ATP8A1: variants seen among roughly 807,000 people sequenced by gnomAD.
ATP8A1 encodes phospholipid-transporting ATPase IA.
ATP8A1 carries 90 observed loss-of-function variants against 177.7 expected under a neutral mutation model. The observed-to-expected ratio is 0.51, with a 90% CI of 0.43 to 0.60. ATP8A1 has a LOEUF of 0.60. Ranked by LOEUF, ATP8A1 falls within the 20% of genes least tolerant of loss-of-function variation. The pLI, the probability that ATP8A1 is intolerant of heterozygous loss-of-function variation, is 0.00. For missense variants in ATP8A1, 1,072 were observed against 1,392.8 expected, an observed-to-expected ratio of 0.77 and a Z score of 3.67; for synonymous variants, 493 against 485.9, an observed-to-expected ratio of 1.01 and a Z score of -0.19.
At chr4:42,576,475 C>CAAAAAAAAA (rs1159794343) in intron 12 of ATP8A1, among the ~76,000 whole-genome samples, 817 of 32,420 alleles carry the variant, frequency 0.025, 143 homozygotes, top group South Asian at 0.047. Flanking sequence ...GACGCCGTCT[C>CAAAAAAAAA]AAAAAAAAAA....
intron 29 of ATP8A1, among the ~76,000 whole-genome samples, chr4:42,454,247 C>A (rs1460725970): frequency 6.6e-6 from 1 of 152,162 alleles, no homozygotes; most frequent in Non-Finnish European, 1.5e-5. Flanking sequence ...ATAAACCTAG[C>A]ACTATCGTTT....
chr4:42,581,282 C>T lies in ATP8A1; in HGVS notation c.834+339G>A, dbSNP rs1445714406. Among the ~76,000 whole-genome samples, 3 of 152,208 alleles carry T rather than the reference C, an allele frequency of 2.0e-5. No individual in the cohort carries two copies. In the East Asian group the frequency reaches 5.8e-4, roughly 29 times the overall value. ...CCGAGTAGCTGGGATTACAGGTGTC[C>T]ACTACCACGCCCGGCTAATTTTTTG... On this transcript the variant is annotated intron_variant, in intron 10 of 36. Coordinates refer to ENST00000381668, the MANE Select transcript of ATP8A1 (RefSeq NM_006095.2).
At chr4:42,425,591 G>T (rs1421039086) in intron 33 of ATP8A1, among the ~76,000 whole-genome samples, 1 of 152,098 alleles carries the variant, frequency 6.6e-6, no homozygotes, top group Non-Finnish European at 1.5e-5. Context: ...TCCCACAGAG[G>T]TATTTCCTTC....
At chr4:42,576,182 T>C (rs1051744506) in intron 12 of ATP8A1, among the ~76,000 whole-genome samples, 2 of 151,984 alleles carry the variant, frequency 1.3e-5, no homozygotes, top group Admixed American at 1.3e-4. Flanking sequence ...AAAAACAAAA[T>C]GCACTTCTCA....
chr4:42,409,082 A>C lies in ATP8A1; in HGVS notation c.*3834T>G, dbSNP rs972135429. On this transcript the variant is annotated 3_prime_UTR_variant, in exon 37 of 37. Coordinates refer to ENST00000381668, the MANE Select transcript of ATP8A1 (RefSeq NM_006095.2). Reference sequence around the variant, plus strand: ...ATTAAAAAAGTTGTGCAGAGGACCAATTAATTTGTCTACTGAATTTTAAAT... The same window carrying C: ...ATTAAAAAAGTTGTGCAGAGGACCACTTAATTTGTCTACTGAATTTTAAAT... The C allele has an allele frequency of 6.6e-6, 1 of 152,174 alleles. No individual in the cohort carries two copies. Among genetic ancestry groups the C allele is most frequent in the Non-Finnish European group, 1.5e-5 (1 of 68,004 alleles). 9.4% of individuals were successfully genotyped at this position (152,174 alleles called of 1,614,324 possible).
intron 14 of ATP8A1, among the ~76,000 whole-genome samples, chr4:42,571,006 T>G (rs1731847050): frequency 6.6e-6 from 1 of 152,168 alleles, no homozygotes; most frequent in Non-Finnish European, 1.5e-5. Context: ...TCATGTGAAC[T>G]TTTGCCTTTT....
At chr4:42,594,602 A>G (rs1405192279) in intron 6 of ATP8A1, among the ~76,000 whole-genome samples, 1 of 152,088 alleles carries the variant, frequency 6.6e-6, no homozygotes, top group African/African-American at 2.4e-5. Context: ...AATCTATTCT[A>G]TCCACTTAAT....
intron 26 of ATP8A1, 28 bp from the exon 27 acceptor site, chr4:42,464,828 A>G (rs1411670586): frequency 6.2e-7 from 1 of 1,609,410 alleles, no homozygotes; most frequent in East Asian, 2.2e-5. Flanking sequence ...AAAAATTAGT[A>G]TTTTCCTTTT....
At chr4:42,653,321 T>A (rs1471062105) in intron 1 of ATP8A1, among the ~76,000 whole-genome samples, 2 of 103,262 alleles carry the variant, frequency 1.9e-5, no homozygotes, top group Non-Finnish European at 3.8e-5. Flanking sequence ...AATTCTATAA[T>A]TAGCATATTT....
intron 5 of ATP8A1, among the ~76,000 whole-genome samples, chr4:42,609,305 A>T (rs1736137495): frequency 6.6e-6 from 1 of 152,144 alleles, no homozygotes; most frequent in Non-Finnish European, 1.5e-5. Flanking sequence ...GCTCCAGGGG[A>T]TTCTGATGCC....
At position 42,603,210 on chromosome 4, in the gene ATP8A1, G is replaced by A. The variant is rs181259672; in HGVS notation, c.410-2692C>T. ...TTGGGTCTCAAGTCTTCCAATTCAC[G>A]GACAAGCTATCTTTCTGTACTTATT... On this transcript the variant is annotated intron_variant, in intron 5 of 36. Coordinates refer to ENST00000381668, the MANE Select transcript of ATP8A1 (RefSeq NM_006095.2). Among the ~76,000 whole-genome samples, 16 of 152,162 alleles carry A rather than the reference G, an allele frequency of 1.1e-4. No homozygotes were observed. The South Asian group carries it at 1.2e-3, about 12-fold the overall frequency.
chr4:42,523,331 C>T (rs1243514969), intron 21 of ATP8A1, among the ~76,000 whole-genome samples: 5 of 152,158 alleles, frequency 3.3e-5, no homozygotes, highest in Non-Finnish European at 7.3e-5. Flanking sequence ...AGACAACGCC[C>T]TCACTCCAGG....
At chr4:42,423,732 A>G in intron 33 of ATP8A1, 27 bp from the exon 34 acceptor site, 1 of 1,497,406 alleles carries the variant, frequency 6.7e-7, no homozygotes, top group Non-Finnish European at 9.2e-7. Flanking sequence ...AAAAAACATT[A>G]CTTTAAAACC....
chr4:42,595,923 A>C (rs554691266), intron 6 of ATP8A1, among the ~76,000 whole-genome samples: 4 of 152,226 alleles, frequency 2.6e-5, no homozygotes, highest in Non-Finnish European at 4.4e-5. Flanking sequence ...ATGGTACCCC[A>C]GTGGCCTGGG....
intron 19 of ATP8A1, among the ~76,000 whole-genome samples, chr4:42,548,550 A>G (rs1729161732): frequency 6.6e-6 from 1 of 152,188 alleles, no homozygotes; most frequent in African/African-American, 2.4e-5. Context: ...TATGTCTGGG[A>G]ACATTTTAAG....
At chr4:42,450,121 T>C (rs1717773236) in intron 30 of ATP8A1, among the ~76,000 whole-genome samples, 4 of 152,160 alleles carry the variant, frequency 2.6e-5, no homozygotes, top group Admixed American at 2.0e-4. Flanking sequence ...TGAAGGTCCA[T>C]CAACTGATGA....
intron 27 of ATP8A1, 22 bp from the exon 28 acceptor site, chr4:42,455,621 C>A (rs369685799): frequency 4.4e-6 from 7 of 1,606,002 alleles, no homozygotes; most frequent in Middle Eastern, 1.7e-4. Context: ...AACCCAAAAC[C>A]CCCAAATTAG....
At chr4:42,545,358 C>T (rs1194697745) in intron 19 of ATP8A1, among the ~76,000 whole-genome samples, 1 of 152,112 alleles carries the variant, frequency 6.6e-6, no homozygotes, top group Non-Finnish European at 1.5e-5. Context: ...AATGTGGTCC[C>T]AAACTCATCA....
At chr4:42,503,325 G>C in intron 24 of ATP8A1, 125 bp downstream of exon 24, 1 of 564,662 alleles carries the variant, frequency 1.8e-6, no homozygotes, top group Admixed American at 3.6e-5. Context: ...TGTTAAAACA[G>C]AACAACAGTG....
Sources: gnomAD v4.1 joint callset for allele counts (sites outside exome capture counted in the v4.1 genomes callset) on GRCh38, gnomAD v4.1.1 for gene constraint, MANE v1.5 for transcripts, NCBI Gene and HGNC (gene_info 2026-07-23, HGNC 2026-07-21) for gene names.